The following C1orf141 variants were observed in gnomAD, a reference collection of about 807,000 sequenced individuals.
The protein encoded by C1orf141 is uncharacterized protein C1orf141.
In C1orf141, 19 loss-of-function variants were observed where a neutral mutation model predicts 23.2. The observed-to-expected ratio is 0.82, with a 90% confidence interval of 0.57 to 1.20. The LOEUF (loss-of-function observed/expected upper bound fraction) is 1.20. Ranked by LOEUF, C1orf141 falls within the 50% of genes most tolerant of loss-of-function variation. C1orf141 has a pLI of 0.00. For missense variants in C1orf141, 469 were observed against 455.1 expected (o/e 1.03, Z -0.28); for synonymous variants, 153 against 154.6 (o/e 0.99, Z 0.08).
intron 4 of C1orf141, among the ~76,000 whole-genome samples, chr1:67,117,333 G>C (rs1409827393): frequency 6.6e-6 from 1 of 152,170 alleles, no homozygotes; most frequent in Non-Finnish European, 1.5e-5. Context: ...TGAGGCAGGA[G>C]AATTGCTTGA....
intron 1 of C1orf141, among the ~76,000 whole-genome samples, chr1:67,140,784 CTATT>C (rs1472094448): frequency 6.6e-6 from 1 of 152,074 alleles, no homozygotes; most frequent in East Asian, 1.9e-4. Flanking sequence ...CATCTATCAT[CTATT>C]TATTGAATTC....
At chr1:67,105,519 A>G (rs908308950) in intron 5 of C1orf141, among the ~76,000 whole-genome samples, 7 of 152,066 alleles carry the variant, frequency 4.6e-5, no homozygotes, top group Non-Finnish European at 1.0e-4. Flanking sequence ...TAATAAAAAT[A>G]GTAAAGACTG....
chr1:67,120,938 G>C (rs1646287408), intron 4 of C1orf141, among the ~76,000 whole-genome samples: 1 of 152,188 alleles, frequency 6.6e-6, no homozygotes. Context: ...GAGAGTATAG[G>C]AGTTGATGGA....
upstream of C1orf141, among the ~76,000 whole-genome samples, chr1:67,137,692 CTCTT>C (rs917229136): frequency 5.3e-5 from 8 of 152,164 alleles, no homozygotes; most frequent in African/African-American, 1.7e-4. Flanking sequence ...GCAAATAAAG[CTCTT>C]TCTATCAGGC....
chr1:67,116,813 T>C (rs1646202888), intron 4 of C1orf141, among the ~76,000 whole-genome samples: 1 of 152,174 alleles, frequency 6.6e-6, no homozygotes. Context: ...GGGGTTGACG[T>C]GGCCTACTCT....
chr1:67,095,056 C>A (rs1261178887), intron 7 of C1orf141, 179 bp downstream of exon 7: 2 of 485,846 alleles, frequency 4.1e-6, no homozygotes, highest in East Asian at 3.2e-5. Context: ...ATAAAGGAAT[C>A]CCTGGTTTGG....
At chr1:67,104,830 T>C (rs866235618) in intron 5 of C1orf141, among the ~76,000 whole-genome samples, 2 of 152,144 alleles carry the variant, frequency 1.3e-5, no homozygotes, top group African/African-American at 2.4e-5. Flanking sequence ...ACTAGACTAG[T>C]ACAAGTTTAC....
intron 4 of C1orf141, among the ~76,000 whole-genome samples, chr1:67,124,144 C>T (rs1646357427): frequency 1.3e-5 from 2 of 152,130 alleles, no homozygotes; most frequent in African/African-American, 4.8e-5. Flanking sequence ...ATCTGTAAAA[C>T]TGCACTAAAA....
At chr1:67,121,445 C>A (rs1646297130) in intron 4 of C1orf141, among the ~76,000 whole-genome samples, 2 of 152,078 alleles carry the variant, frequency 1.3e-5, no homozygotes, top group African/African-American at 4.8e-5. Flanking sequence ...TGTAAATACT[C>A]CCGTTGTCAA....
intron 4 of C1orf141, among the ~76,000 whole-genome samples, chr1:67,120,000 C>T (rs1464667119): frequency 6.6e-6 from 1 of 152,164 alleles, no homozygotes; most frequent in African/African-American, 2.4e-5. Context: ...TCCCGCTAGG[C>T]AGAGCTTCAG....
chr1:67,098,449 G>A (rs1003197464), intron 5 of C1orf141, among the ~76,000 whole-genome samples: 3 of 152,150 alleles, frequency 2.0e-5, no homozygotes, highest in Admixed American at 1.3e-4. Context: ...TTGAACCAGA[G>A]TCGGAGGTGG....
intron 4 of C1orf141, chr1:67,123,842 A>G (rs1206911056): frequency 6.6e-6 from 1 of 152,156 alleles, no homozygotes; most frequent in Non-Finnish European, 1.5e-5. Context: ...TTAGATGCCT[A>G]TGGGCATCTA....
intron 5 of C1orf141, among the ~76,000 whole-genome samples, chr1:67,100,496 T>C (rs1645773665): frequency 6.6e-6 from 1 of 152,220 alleles, no homozygotes; most frequent in East Asian, 1.9e-4. Context: ...CCAAATCTTA[T>C]TTCATAGAAT....
intron 5 of C1orf141, among the ~76,000 whole-genome samples, chr1:67,102,448 A>G (rs1361629422): frequency 6.6e-6 from 1 of 151,756 alleles, no homozygotes; most frequent in Non-Finnish European, 1.5e-5. Context: ...GCATGAGGCT[A>G]TTTGAGACAA....
intron 2 of C1orf141, among the ~76,000 whole-genome samples, chr1:67,127,823 CAG>C (rs1646445318): frequency 6.6e-6 from 1 of 151,908 alleles, no homozygotes; most frequent in Non-Finnish European, 1.5e-5. Flanking sequence ...TTAGTAGAGA[CAG>C]GGGTTCATCA....
chr1:67,098,292 G>A (rs2102419648), intron 5 of C1orf141, among the ~76,000 whole-genome samples: 1 of 152,292 alleles, frequency 6.6e-6, no homozygotes. Context: ...AGGCTGAGGT[G>A]GGTGGATCAC....
At chr1:67,111,666 T>C in intron 5 of C1orf141, 1 of 1,171,588 alleles carries the variant, frequency 8.5e-7, no homozygotes, top group East Asian at 2.9e-5. Context: ...AACATAAGTA[T>C]TTCCATGCTA....
rs1646395317 is a variant in C1orf141, at chr1:67,125,709, A to G, written c.233+43T>C. The stretch of plus-strand genomic sequence containing the variant: ...TGAGTCCTTGTTTCACAAACAAACA[A>G]ACAAATTCTGAACTGAAAATTTAAG... On this transcript the variant is annotated intron_variant, in intron 4 of 7. Coordinates refer to ENST00000684719, the MANE Select transcript of C1orf141 (RefSeq NM_001276351.2). 3 of 1,585,738 alleles carry G rather than the reference A, an allele frequency of 1.9e-6. No individual in the cohort carries two copies. The African/African-American group carries it at 4.0e-5, about 21-fold the overall frequency.
At chr1:67,136,864 T>G (rs1409043871), upstream of C1orf141, among the ~76,000 whole-genome samples, 3 of 152,172 alleles carry the variant, frequency 2.0e-5, no homozygotes, top group African/African-American at 4.8e-5. Context: ...GTTTGGTAAA[T>G]GTACACAAAA....
Sources: allele counts gnomAD v4.1 joint callset (sites outside exome capture counted in the v4.1 genomes callset), GRCh38; gene constraint gnomAD v4.1.1; transcripts MANE v1.5; gene names NCBI Gene and HGNC (gene_info 2026-07-23, HGNC 2026-07-21).